The following ZC3H7A variants were observed in gnomAD, a reference collection of about 807,000 sequenced individuals.
The protein encoded by ZC3H7A is zinc finger CCCH-type containing 7A.
In ZC3H7A, 44 loss-of-function variants were observed where a neutral mutation model predicts 125.5. The ratio of observed to expected loss-of-function variants is 0.35; its 90% CI spans 0.28 to 0.45. ZC3H7A has a LOEUF of 0.45. Ranked by LOEUF, ZC3H7A falls within the 20% of genes least tolerant of loss-of-function variation. The pLI is 1.00. For synonymous variants in ZC3H7A, 399 were observed against 391.2 expected (o/e 1.02, Z -0.23); for missense variants, 977 against 1,170.7 (o/e 0.83, Z 2.41).
chr16:11,766,927 T>C (rs1001272213), intron 13 of ZC3H7A, among the ~76,000 whole-genome samples: 1 of 152,108 alleles, frequency 6.6e-6, no homozygotes, highest in Non-Finnish European at 1.5e-5. Context: ...ATATAAAAAA[T>C]ATTAACATCT....
chr16:11,751,210 C>T lies in ZC3H7A; in HGVS notation c.*107G>A, dbSNP rs1159905568. 13 of 1,232,110 alleles carry T rather than the reference C, an allele frequency of 1.1e-5. No homozygotes were observed. The highest frequency in any genetic ancestry group is 7.7e-5 in the East Asian group (3 of 39,126). 76.3% of individuals were successfully genotyped at this position (1,232,110 alleles called of 1,614,324 possible). ...GTTGCTGCTCAGGAGGAACGATATA[C>T]GCCAATACAAGCAGGAAATCTGCAG... On this transcript the variant is annotated 3_prime_UTR_variant, in exon 23 of 23. Coordinates refer to ENST00000355758, the MANE Select transcript of ZC3H7A (RefSeq NM_014153.4).
intron 1 of ZC3H7A, among the ~76,000 whole-genome samples, chr16:11,795,281 CACA>C (rs1246898661): frequency 2.6e-5 from 4 of 152,176 alleles, no homozygotes; most frequent in Non-Finnish European, 5.9e-5. Flanking sequence ...GGAAGGAGGC[CACA>C]TGCCATCAGA....
At chr16:11,781,840 G>C (rs1331976414) in intron 2 of ZC3H7A, among the ~76,000 whole-genome samples, 2 of 151,998 alleles carry the variant, frequency 1.3e-5, no homozygotes, top group Non-Finnish European at 2.9e-5. Context: ...CTCCTTCCCA[G>C]GAAGGAACAA....
chr16:11,766,927 TATTAAC>T (rs1423661395), intron 13 of ZC3H7A, among the ~76,000 whole-genome samples: 1 of 152,108 alleles, frequency 6.6e-6, no homozygotes, highest in East Asian at 1.9e-4. Context: ...ATATAAAAAA[TATTAAC>T]ATCTCAATCC....
rs963511866 is a variant in ZC3H7A at position 11,785,968 on chromosome 16, T to C, written c.-34-3580A>G. 4.6e-5 allele frequency among the ~76,000 whole-genome samples: 7 copies of C among 152,248 alleles called. No homozygotes were observed. The South Asian group carries it at 1.2e-3, about 27-fold the overall frequency. ...GGTAGGTATATATATTGACATATGC[T>C]TGTGTAAACATAAAATAGTCCCAGA... is the stretch of plus-strand genomic sequence containing the variant. On this transcript the variant is annotated intron_variant, in intron 1 of 22. Coordinates refer to ENST00000355758, the MANE Select transcript of ZC3H7A (RefSeq NM_014153.4).
chr16:11,769,145 T>A, intron 10 of ZC3H7A, 50 bp from the exon 11 acceptor site: 1 of 1,522,410 alleles, frequency 6.6e-7, no homozygotes, highest in East Asian at 2.3e-5. Context: ...GATCACGTAA[T>A]AAGAACATCA....
At chr16:11,780,127 C>T (rs1239604988) in intron 3 of ZC3H7A, among the ~76,000 whole-genome samples, 4 of 141,462 alleles carry the variant, frequency 2.8e-5, no homozygotes, top group African/African-American at 5.2e-5. Flanking sequence ...TTTTTCTTTT[C>T]TTTTTTTTTT....
chr16:11,762,021 G>A lies in ZC3H7A; in HGVS notation c.2102C>T (p.Pro701Leu). The A allele has an allele frequency of 1.2e-6, 2 of 1,609,446 alleles. No individual in the cohort carries two copies. Among genetic ancestry groups the A allele is most frequent in the Non-Finnish European group, 1.7e-6 (2 of 1,178,470 alleles). Residue 701 changes from proline to leucine, a missense_variant, in exon 18 of 23, where the codon CCT becomes CTT. By Grantham distance (98) the Pro-to-Leu change is moderately conservative (BLOSUM62 -3). Around this residue, in one of 3 missense-constraint regions of ZC3H7A, gnomAD observed 436 missense variants for 603.2 expected, o/e 0.72. Coordinates refer to ENST00000355758, the MANE Select transcript of ZC3H7A (RefSeq NM_014153.4). ...GAQVLGNQIM[P>L]GFLNMKIKFV... Reference sequence around the variant, plus strand: ...CTTTATCTTCATATTAAGAAATCCAGGCATTATTTGATTACCAAGTACCTT... The same window carrying A: ...CTTTATCTTCATATTAAGAAATCCAAGCATTATTTGATTACCAAGTACCTT...
chr16:11,751,962 G>C (rs1001034648), intron 22 of ZC3H7A, among the ~76,000 whole-genome samples: 7 of 146,076 alleles, frequency 4.8e-5, no homozygotes, highest in African/African-American at 1.8e-4. Context: ...CTGAAGTGCA[G>C]TAACGCAACC....
chr16:11,765,010 G>T lies in ZC3H7A; in HGVS notation c.1820+43C>A. 1 of 1,324,870 alleles carries T rather than the reference G, an allele frequency of 7.5e-7. No individual in the cohort carries two copies. The highest frequency in any genetic ancestry group is 1.0e-6 in the Non-Finnish European group (1 of 953,160). 82.1% of individuals were successfully genotyped at this position (1,324,870 alleles called of 1,614,324 possible). A position where few individuals can be genotyped will look rare whatever the true frequency, so the allele number is the denominator to read the frequency against. Reference sequence around the variant, plus strand: ...TAGTTTTTATTCAGATCTAGAAAAAGAATCTATTTTGTCATTACAGAAATT... The same window carrying T: ...TAGTTTTTATTCAGATCTAGAAAAATAATCTATTTTGTCATTACAGAAATT... On this transcript the variant is annotated intron_variant, in intron 15 of 22. Coordinates refer to ENST00000355758, the MANE Select transcript of ZC3H7A (RefSeq NM_014153.4). This position sits in a 1 kb window ranked among gnomAD's most constrained non-coding sequence, Gnocchi z 4.8.
chr16:11,761,205 A>T (rs2052746639), intron 19 of ZC3H7A, among the ~76,000 whole-genome samples: 1 of 152,220 alleles, frequency 6.6e-6, no homozygotes, highest in African/African-American at 2.4e-5. Flanking sequence ...CAAGTAACTC[A>T]TAAAATTCCA....
intron 21 of ZC3H7A, among the ~76,000 whole-genome samples, 196 bp downstream of exon 21, chr16:11,756,041 T>C (rs1387373354): frequency 6.6e-6 from 1 of 152,130 alleles, no homozygotes; most frequent in Non-Finnish European, 1.5e-5. Context: ...CGCGAGCCTA[T>C]AATCCCAGCT....
intron 1 of ZC3H7A, among the ~76,000 whole-genome samples, chr16:11,785,344 AAT>A (rs1300796091): frequency 9.9e-5 from 15 of 150,906 alleles, no homozygotes; most frequent in Non-Finnish European, 1.6e-4. Flanking sequence ...GCCTCGAAAA[AAT>A]AAAAAAAAAA....
chr16:11,769,828 C>T (rs865893360), intron 10 of ZC3H7A, among the ~76,000 whole-genome samples: 2 of 97,110 alleles, frequency 2.1e-5, no homozygotes, highest in Non-Finnish European at 3.8e-5. Context: ...CTCATTCTGT[C>T]ACCCATGCTG....
In ZC3H7A at chr16:11,776,440, A is replaced by G. The variant is rs755890801; in HGVS notation, c.546+12T>C. The G allele has an allele frequency of 6.2e-7, 1 of 1,606,080 alleles. No homozygotes were observed. Among genetic ancestry groups the G allele is most frequent in the Non-Finnish European group, 8.5e-7 (1 of 1,177,768 alleles). ...AAAATGAAAACACCTTATGCAGAGA[A>G]CTCCAGCTTACCTCAGCTCTGACAT... On this transcript the variant is annotated intron_variant, in intron 6 of 22. Transcript: ENST00000355758.
intron 5 of ZC3H7A, 37 bp downstream of exon 5, chr16:11,776,714 G>T (rs767835002): frequency 3.6e-5 from 57 of 1,564,816 alleles, no homozygotes; most frequent in Non-Finnish European, 4.7e-5. Flanking sequence ...TGATGTAAAT[G>T]GTTACGATGT....
At chr16:11,786,915 C>T (rs1271520064) in intron 1 of ZC3H7A, among the ~76,000 whole-genome samples, 1 of 152,168 alleles carries the variant, frequency 6.6e-6, no homozygotes, top group Non-Finnish European at 1.5e-5. Flanking sequence ...AAGTCAGCTG[C>T]AGATACCTAA....
rs1597526206 is a variant in ZC3H7A at position 11,752,177 on chromosome 16, A to AT, written c.2726+491dup. ...CGCCTCAGCCTCCCAAAGTGCTGGG[A>AT]TTACAGGCGTAGCCACCATGCCCGG... On this transcript the variant is annotated intron_variant, in intron 22 of 22. Coordinates refer to ENST00000355758, the MANE Select transcript of ZC3H7A (RefSeq NM_014153.4). Among the ~76,000 whole-genome samples, 4 of 152,200 alleles carry AT rather than the reference A, an allele frequency of 2.6e-5. No individual in the cohort carries two copies. In the East Asian group the frequency reaches 7.7e-4, roughly 29 times the overall value.
chr16:11,767,593 A>G lies in ZC3H7A; in HGVS notation c.1361-15T>C. ...TAACTTAGGGCCTGAAAAAGATGTA[A>G]AGAGGATTGCTTATATGCACAAAAA... On this transcript the variant is annotated splice_polypyrimidine_tract_variant and intron_variant, in intron 12 of 22. Transcript: ENST00000355758. 6.4e-7 allele frequency: 1 copy of G among 1,550,414 alleles called. No homozygotes were observed. Among genetic ancestry groups the G allele is most frequent in the South Asian group, 1.2e-5 (1 of 80,770 alleles).
Sources: gnomAD v4.1 joint callset for allele counts (sites outside exome capture counted in the v4.1 genomes callset) on GRCh38, gnomAD v4.1.1 for gene constraint, gnomAD v4.1.1 regional missense constraint, Gnocchi (gnomAD v3.1) non-coding constraint, MANE v1.5 for transcripts, NCBI Gene and HGNC (gene_info 2026-07-23, HGNC 2026-07-21) for gene names.